Variants in CYB5R3 observed in about 807,000 individuals in gnomAD.
The protein encoded by CYB5R3 is NADH-cytochrome b5 reductase 3.
CYB5R3 carries 28 observed loss-of-function variants against 36.5 expected under a neutral mutation model. The observed-to-expected ratio is 0.77, with a 90% confidence interval of 0.57 to 1.05. The LOEUF is 1.05. Ranked by LOEUF, CYB5R3 falls within the 50% of genes least tolerant of loss-of-function variation. The pLI is 0.00. For synonymous variants in CYB5R3, 181 were observed against 159.8 expected, an observed-to-expected ratio of 1.13 and a Z score of -1.00; for missense variants, 474 against 408.9, an observed-to-expected ratio of 1.16 and a Z score of -1.37.
chr22:42,639,997 G>A (rs770501144), intron 1 of CYB5R3: 1 of 1,612,458 alleles, frequency 6.2e-7, no homozygotes, highest in Non-Finnish European at 8.5e-7. Flanking sequence ...ACGCTTGCCT[G>A]TGATCTCTCT....
At chr22:42,620,168 G>A (rs1316202641) in intron 8 of CYB5R3, among the ~76,000 whole-genome samples, 1 of 152,198 alleles carries the variant, frequency 6.6e-6, no homozygotes, top group East Asian at 1.9e-4. Context: ...TCCCCTGACT[G>A]CACTTTACAG....
chr22:42,626,080 G>A (rs1430359292), intron 7 of CYB5R3, among the ~76,000 whole-genome samples: 4 of 152,202 alleles, frequency 2.6e-5, no homozygotes, highest in East Asian at 1.9e-4. Flanking sequence ...AGGCTGAGGC[G>A]GGTGGATCAC....
chr22:42,624,134 G>C (rs1303160155), intron 7 of CYB5R3, among the ~76,000 whole-genome samples: 1 of 152,248 alleles, frequency 6.6e-6, no homozygotes. Flanking sequence ...AACTGCTTCT[G>C]CTGTTGTGAG....
At chr22:42,644,248 C>T in intron 1 of CYB5R3, 1 of 618,360 alleles carries the variant, frequency 1.6e-6, no homozygotes, top group East Asian at 2.7e-5. Context: ...GACATCCTGC[C>T]TCCCACAGTG....
At chr22:42,622,507 G>A (rs1928035832) in intron 8 of CYB5R3, among the ~76,000 whole-genome samples, 1 of 152,138 alleles carries the variant, frequency 6.6e-6, no homozygotes, top group African/African-American at 2.4e-5. Context: ...CCAGAGGCCG[G>A]ACACGGTGAC....
chr22:42,620,210 C>T (rs1014747704), intron 8 of CYB5R3, among the ~76,000 whole-genome samples: 2 of 152,154 alleles, frequency 1.3e-5, no homozygotes, highest in Non-Finnish European at 1.5e-5. Context: ...ATTTGGCCTC[C>T]GGGGTGTCCC....
At position 42,646,874 on chromosome 22, in the gene CYB5R3, G is replaced by C. The variant is rs545410557; in HGVS notation, c.21+2421C>G. 14 of 985,556 alleles carry C rather than the reference G, an allele frequency of 1.4e-5. No homozygotes were observed. In the African/African-American group the frequency reaches 1.9e-4, roughly 13 times the overall value. 61.1% of individuals were successfully genotyped at this position (985,556 alleles called of 1,614,324 possible). ...GCTGCCAGGGACAGTAGGAAAGCCCGGCAGACTGTACCTGTCAGCCTGTCA... is the reference window on the plus strand; with the variant it reads ...GCTGCCAGGGACAGTAGGAAAGCCCCGCAGACTGTACCTGTCAGCCTGTCA... On this transcript the variant is annotated intron_variant, in intron 1 of 8. Coordinates refer to ENST00000352397, the MANE Select transcript of CYB5R3 (RefSeq NM_000398.7).
At chr22:42,635,181 G>A (rs964194404) in intron 2 of CYB5R3, among the ~76,000 whole-genome samples, 2 of 152,014 alleles carry the variant, frequency 1.3e-5, no homozygotes, top group Non-Finnish European at 2.9e-5. Flanking sequence ...GTGTTACCGG[G>A]ATGGTCTCAA....
Position 42,619,889 on chromosome 22 carries a change from G to A in CYB5R3, c.790C>T (p.Pro264Ser), listed in dbSNP as rs1320846140. ...AGCACCAGCGGCTCCTCCTCTGGGG[G>A]TGGAAGGTGGTCCCGGATCATCTCC... ...NEEMIRDHLPPPEEEPLVLMC... is the reference protein window; with the variant it reads ...NEEMIRDHLPSPEEEPLVLMC... Residue 264 changes from proline (P) to serine (S), a missense_variant, in exon 9 of 9, where the codon CCC becomes TCC. Transcript: ENST00000352397. 1 of 1,608,216 alleles carries A rather than the reference G, an allele frequency of 6.2e-7. No homozygotes were observed. The highest frequency in any genetic ancestry group is 8.5e-7 in the Non-Finnish European group (1 of 1,177,660).
chr22:42,619,029 A>T lies in CYB5R3; in HGVS notation c.*744T>A, dbSNP rs1927798296. On this transcript the variant is annotated 3_prime_UTR_variant, in exon 9 of 9. Transcript: ENST00000352397. ...AGGAATAAATACATGTGGTTGTGGG[A>T]GTTCTGCCATCAGGGATGGTGGCCC... The T allele has an allele frequency of 2.0e-5, 3 of 152,604 alleles. No individual in the cohort carries two copies. The highest frequency in any genetic ancestry group is 7.2e-5 in the African/African-American group (3 of 41,458). The allele number at this position is 152,604 out of a possible 1,614,324, so 9.5% of individuals were successfully genotyped here.
intron 8 of CYB5R3, among the ~76,000 whole-genome samples, chr22:42,621,758 G>C (rs925569906): frequency 2.0e-5 from 3 of 152,264 alleles, no homozygotes; most frequent in African/African-American, 7.2e-5. Flanking sequence ...CCACAGGGCA[G>C]GGGCTCCTGC....
intron 1 of CYB5R3, among the ~76,000 whole-genome samples, chr22:42,637,564 G>C (rs1928962586): frequency 2.0e-5 from 3 of 152,268 alleles, no homozygotes; most frequent in Admixed American, 2.0e-4. Context: ...GAAGGTCACT[G>C]GCTGTGTGAC....
At position 42,619,756 on chromosome 22, in the gene CYB5R3, G is replaced by C. The variant is rs1198957070; in HGVS notation, c.*17C>G. On this transcript the variant is annotated 3_prime_UTR_variant, in exon 9 of 9. Transcript: ENST00000352397. ...TGGGGTGCGCGGGGCGGGTGGCCGT[G>C]TGACCGTGCCCGGCCCTCAGAAGAC... is the stretch of plus-strand genomic sequence containing the variant. The C allele has an allele frequency of 1.3e-6, 2 of 1,558,408 alleles. No individual in the cohort carries two copies.
intron 1 of CYB5R3, chr22:42,640,324 C>T: frequency 6.9e-7 from 1 of 1,458,688 alleles, no homozygotes; most frequent in Non-Finnish European, 9.2e-7. Flanking sequence ...TGAAGGTCAC[C>T]CCCCGGAAGG....
intron 6 of CYB5R3, 95 bp from the exon 7 acceptor site, chr22:42,627,484 C>A: frequency 6.7e-7 from 1 of 1,485,254 alleles, no homozygotes; most frequent in Non-Finnish European, 9.3e-7. Context: ...GGGCCAGGAC[C>A]ACTGGGCCTG....
At position 42,627,545 on chromosome 22, in the gene CYB5R3, A is replaced by G. The variant is rs1166711721; in HGVS notation, c.547+60T>C. 10 of 1,546,970 alleles carry G rather than the reference A, an allele frequency of 6.5e-6. No homozygotes were observed. The East Asian group carries it at 1.8e-4, about 28-fold the overall frequency. On this transcript the variant is annotated intron_variant, in intron 6 of 8. Transcript: ENST00000352397. ...GGCACTCAGAACCTGCGCCTCACCC[A>G]CACCCCAACCCCACCCTTAACATGA... is the stretch of plus-strand genomic sequence containing the variant.
chr22:42,638,704 C>A (rs1929043376), intron 1 of CYB5R3, among the ~76,000 whole-genome samples: 2 of 125,288 alleles, frequency 1.6e-5, no homozygotes, highest in East Asian at 2.2e-4. Flanking sequence ...CACACTCCAG[C>A]CTGGGAGACA....
rs1929190791 is a variant in CYB5R3 at position 42,640,365 on chromosome 22, ATTTATTT to A, written c.22-3526_22-3520del. On this transcript the variant is annotated intron_variant, in intron 1 of 8. Transcript: ENST00000352397. ...GCGTGGTTCACTTATTTATTTATTT[ATTTATTT>A]ATTTATTTATTTATTTATTTATTTG... 3 of 555,820 alleles carry A rather than the reference ATTTATTT, an allele frequency of 5.4e-6. No homozygotes were observed. The East Asian group carries it at 1.2e-4, about 22-fold the overall frequency. 34.4% of individuals were successfully genotyped at this position (555,820 alleles called of 1,614,324 possible). A position where few individuals can be genotyped will look rare whatever the true frequency, so the allele number is the denominator to read the frequency against.
In CYB5R3 at chr22:42,631,431, C is replaced by G. The variant is rs121965007; in HGVS notation, c.173G>C (p.Arg58Pro). The change falls in exon 3 of 9, where the codon CGG becomes CCG. Residue 58 changes from arginine (R) to proline (P), a missense_variant. Transcript: ENST00000352397. ...TGACGGCAGGGCAAAGCGGAAGCGCCGGGTGTCATGGCTGATGATCTGGAG... is the reference window on the plus strand; with the variant it reads ...TGACGGCAGGGCAAAGCGGAAGCGCGGGGTGTCATGGCTGATGATCTGGAG... ...IDREIISHDT[R>P]RFRFALPSPQ... 20 of 1,551,586 alleles carry G rather than the reference C, an allele frequency of 1.3e-5. No individual in the cohort carries two copies. Among genetic ancestry groups the G allele is most frequent in the Non-Finnish European group, 1.7e-5 (20 of 1,146,952 alleles).
Sources: gnomAD v4.1 joint callset for allele counts (sites outside exome capture counted in the v4.1 genomes callset) on GRCh38, gnomAD v4.1.1 for gene constraint, MANE v1.5 for transcripts, NCBI Gene and HGNC (gene_info 2026-07-23, HGNC 2026-07-21) for gene names.